The following DGKI variants were observed in gnomAD, a reference collection of about 807,000 sequenced individuals.
DGKI encodes diacylglycerol kinase iota.
DGKI carries 55 observed loss-of-function variants against 147.5 expected under a neutral mutation model. That is an observed-to-expected ratio of 0.37 (90% confidence interval 0.30 to 0.47). DGKI has a LOEUF of 0.47. DGKI is among the 20% of genes least tolerant of loss of function. The pLI is 1.00. For synonymous variants in DGKI, 469 were observed against 477.1 expected (o/e 0.98, Z 0.22); for missense variants, 1,007 against 1,323.8 (o/e 0.76, Z 3.71).
chr7:137,531,891 C>T (rs1476807168), intron 20 of DGKI, among the ~76,000 whole-genome samples: 1 of 152,152 alleles, frequency 6.6e-6, no homozygotes, highest in Non-Finnish European at 1.5e-5. Context: ...GGTATAGTTG[C>T]TAACCCTCTA....
chr7:137,393,614 A>G (rs192323390), intron 32 of DGKI, among the ~76,000 whole-genome samples: 13 of 152,372 alleles, frequency 8.5e-5, no homozygotes, highest in Admixed American at 8.5e-4. Context: ...TTGAGAAATT[A>G]TTACTTTTAA....
intron 27 of DGKI, among the ~76,000 whole-genome samples, chr7:137,451,066 T>C (rs1305783807): frequency 6.6e-6 from 1 of 152,184 alleles, no homozygotes; most frequent in East Asian, 1.9e-4. Flanking sequence ...TCATATTATG[T>C]ATCCAAAAGC....
At chr7:137,826,832 C>A (rs1798072168) in intron 1 of DGKI, among the ~76,000 whole-genome samples, 1 of 152,112 alleles carries the variant, frequency 6.6e-6, no homozygotes, top group Admixed American at 6.6e-5. Flanking sequence ...GAACTTAGGA[C>A]AATGTTATTT....
At chr7:137,802,034 T>C (rs1056709447) in intron 1 of DGKI, among the ~76,000 whole-genome samples, 9 of 152,168 alleles carry the variant, frequency 5.9e-5, no homozygotes, top group Admixed American at 5.2e-4. Flanking sequence ...AAATGTGGTA[T>C]AATTACAGCA....
chr7:137,453,924 G>GTT (rs56891185), intron 27 of DGKI, among the ~76,000 whole-genome samples: 2,394 of 138,418 alleles, frequency 0.017, 36 homozygotes, highest in Admixed American at 0.044. Flanking sequence ...GAAATATCTT[G>GTT]TTTTTTTTTT....
At chr7:137,805,205 T>C (rs1797328943) in intron 1 of DGKI, among the ~76,000 whole-genome samples, 1 of 152,246 alleles carries the variant, frequency 6.6e-6, no homozygotes, top group Non-Finnish European at 1.5e-5. Context: ...TTTGTGCACA[T>C]CTCCAGTAAA....
At chr7:137,636,650 T>C (rs980650882) in intron 6 of DGKI, among the ~76,000 whole-genome samples, 5 of 152,200 alleles carry the variant, frequency 3.3e-5, no homozygotes, top group Admixed American at 2.0e-4. Flanking sequence ...CTTGAGCTGA[T>C]GCAGCTTGGA....
chr7:137,467,772 G>A (rs1222591893), intron 24 of DGKI, among the ~76,000 whole-genome samples: 1 of 152,134 alleles, frequency 6.6e-6, no homozygotes, highest in African/African-American at 2.4e-5. Context: ...CTTGAAGCCA[G>A]GAGTCTGAGA....
At chr7:137,818,757 G>C (rs1285682522) in intron 1 of DGKI, among the ~76,000 whole-genome samples, 1 of 151,820 alleles carries the variant, frequency 6.6e-6, no homozygotes, top group Non-Finnish European at 1.5e-5. Context: ...ACCATTTTTT[G>C]CCCATATTTC....
Position 137,381,406 on chromosome 7 carries a change from G to T in DGKI, c.*9814C>A, listed in dbSNP as rs190096435. ...TGCTACTTGTTTATGGATTCCACCT[G>T]CCAGCTGGCAGCTTTGCAAAAGCAT... On this transcript the variant is annotated 3_prime_UTR_variant, in exon 33 of 33. Transcript: ENST00000614521. The T allele has an allele frequency of 6.7e-6, 1 of 149,920 alleles. No individual in the cohort carries two copies. The highest frequency in any genetic ancestry group is 2.0e-4 in the East Asian group (1 of 5,026). The allele number at this position is 149,920 out of a possible 1,614,324, so 9.3% of individuals were successfully genotyped here. A position where few individuals can be genotyped will look rare whatever the true frequency, so the allele number is the denominator to read the frequency against.
intron 28 of DGKI, among the ~76,000 whole-genome samples, chr7:137,420,134 T>C (rs535001465): frequency 2.0e-5 from 3 of 150,268 alleles, no homozygotes; most frequent in Admixed American, 1.3e-4. Context: ...GATCCTCTCA[T>C]GTGGGATTCC....
At position 137,578,317 on chromosome 7, in the gene DGKI, G is replaced by T; in HGVS notation, c.1651C>A (p.Pro551Thr). ...LEFHESREANPEKFNSRFRNK... is the reference protein window; with the variant it reads ...LEFHESREANTEKFNSRFRNK... ...CGAAAACGACTGTTGAATTTCTCTG[G>T]ATTTGCTTCTGTGAAAGAGGAAAAG... Residue 551 changes from proline (P) to threonine (T), a missense_variant, in exon 16 of 33, where the codon CCA becomes ACA. Around this residue, in one of 5 missense-constraint regions of DGKI, gnomAD observed 224 missense variants for 382.7 expected, o/e 0.59. Transcript: ENST00000614521. 1 of 1,613,392 alleles carries T rather than the reference G, an allele frequency of 6.2e-7. No individual in the cohort carries two copies. Among genetic ancestry groups the T allele is most frequent in the Non-Finnish European group, 8.5e-7 (1 of 1,179,432 alleles).
At chr7:137,732,985 T>C (rs565987693) in intron 1 of DGKI, among the ~76,000 whole-genome samples, 1 of 152,036 alleles carries the variant, frequency 6.6e-6, no homozygotes, top group Non-Finnish European at 1.5e-5. Context: ...GAACCAGCTC[T>C]CACTGAGGTC....
At chr7:137,791,266 A>G (rs1282626623) in intron 1 of DGKI, among the ~76,000 whole-genome samples, 4 of 152,302 alleles carry the variant, frequency 2.6e-5, no homozygotes, top group African/African-American at 9.6e-5. Context: ...CTAGAAGAAT[A>G]CTTATTTAAT....
At chr7:137,813,362 TAAGGATG>T (rs1266805987) in intron 1 of DGKI, among the ~76,000 whole-genome samples, 3 of 152,116 alleles carry the variant, frequency 2.0e-5, no homozygotes, top group Admixed American at 6.5e-5. Context: ...AGTAGGTCAG[TAAGGATG>T]AACCCAATGT....
intron 1 of DGKI, among the ~76,000 whole-genome samples, chr7:137,749,830 G>A (rs112447100): frequency 0.014 from 2,120 of 152,142 alleles, 60 homozygotes; most frequent in African/African-American, 0.048. Context: ...AAATACTGCT[G>A]AATGAGTGAA....
At chr7:137,400,164 C>T (rs117039580) in intron 30 of DGKI, among the ~76,000 whole-genome samples, 1 of 152,262 alleles carries the variant, frequency 6.6e-6, no homozygotes, top group Non-Finnish European at 1.5e-5. Context: ...GAAACAAGCA[C>T]CTGAGGCCTA....
rs894737496 is a variant in DGKI, at chr7:137,424,566, G to A, written c.2762-12359C>T. 2.6e-4 allele frequency among the ~76,000 whole-genome samples: 39 copies of A among 152,124 alleles called. 1 individual carries two copies. The highest frequency in any genetic ancestry group is 2.1e-4 in the South Asian group (1 of 4,818). On this transcript the variant is annotated intron_variant, in intron 28 of 32. Transcript: ENST00000614521. ...ACAGTGGATGCAGTGCACCGTGCGCGAGCCAAAGCAGGGTGAGGCATTGCC... is the reference window on the plus strand; with the variant it reads ...ACAGTGGATGCAGTGCACCGTGCGCAAGCCAAAGCAGGGTGAGGCATTGCC...
intron 8 of DGKI, among the ~76,000 whole-genome samples, chr7:137,615,936 A>C (rs1275514270): frequency 6.6e-6 from 1 of 152,178 alleles, no homozygotes; most frequent in Non-Finnish European, 1.5e-5. Flanking sequence ...AAAAGTCAGA[A>C]AGCTCTTAAC....
Sources: gnomAD v4.1 joint callset for allele counts (sites outside exome capture counted in the v4.1 genomes callset) on GRCh38, gnomAD v4.1.1 for gene constraint, gnomAD v4.1.1 regional missense constraint, MANE v1.5 for transcripts, NCBI Gene and HGNC (gene_info 2026-07-23, HGNC 2026-07-21) for gene names.